DNAH11: variants seen among roughly 807,000 people sequenced by gnomAD.
DNAH11 encodes dynein axonemal heavy chain 11.
DNAH11 carries 442 observed loss-of-function variants against 526.0 expected under a neutral mutation model. The observed-to-expected ratio is 0.84, with a 90% CI of 0.78 to 0.91. The LOEUF is 0.91. DNAH11 is among the 40% of genes least tolerant of loss of function. The pLI is 0.00. For missense variants in DNAH11, 6,989 were observed against 5,448.7 expected, an observed-to-expected ratio of 1.28 and a Z score of -8.90; for synonymous variants, 2,461 against 1,935.9, an observed-to-expected ratio of 1.27 and a Z score of -7.12.
rs547016387 is a variant in DNAH11 at position 21,576,035 on chromosome 7, A to G, written c.1593+4062A>G. On this transcript the variant is annotated intron_variant, in intron 8 of 81. Coordinates refer to ENST00000409508, the MANE Select transcript of DNAH11 (RefSeq NM_001277115.2). ...AGATGTACTTTTCCCTACTGCTCCC[A>G]GTAAGTGCAACTAAAACACTGGCCG... Among the ~76,000 whole-genome samples the G allele has an allele frequency of 2.6e-5, 4 of 152,322 alleles. No individual in the cohort carries two copies. The East Asian group carries it at 5.8e-4, about 22-fold the overall frequency.
In DNAH11 at chr7:21,637,684, T is replaced by G; in HGVS notation, c.4799T>G (p.Leu1600Arg). The change falls in exon 27 of 82, where the codon CTT becomes CGT. Residue 1600 changes from leucine (L) to arginine (R), a missense_variant. Leu to Arg is a moderately radical substitution (Grantham distance 102). Transcript: ENST00000409508. Reference protein sequence around the residue: ...ATCRPNLYEKLKDLQSRLSLC... With the variant: ...ATCRPNLYEKRKDLQSRLSLC... ...TGCAGACCTAATCTCTATGAAAAAC[T>G]TAAAGATTTACAGTCCAGGTAAGAA... 1 of 1,566,136 alleles carries G rather than the reference T, an allele frequency of 6.4e-7. No homozygotes were observed. Among genetic ancestry groups the G allele is most frequent in the Non-Finnish European group, 8.7e-7 (1 of 1,155,418 alleles).
chr7:21,727,143 C>T (rs145884368), intron 45 of DNAH11, among the ~76,000 whole-genome samples: 32,670 of 151,264 alleles, frequency 0.22, 3,825 homozygotes, highest in Non-Finnish European at 0.26. Context: ...CCGTGTTAGC[C>T]AGGATGATCT....
chr7:21,636,229 C>T (rs1786857467), intron 26 of DNAH11, 134 bp downstream of exon 26: 1 of 691,954 alleles, frequency 1.4e-6, no homozygotes, highest in Non-Finnish European at 2.4e-6. Flanking sequence ...CTGCAAAGGG[C>T]CAGGTAATAA....
chr7:21,667,282 A>G (rs1189785173), intron 30 of DNAH11, among the ~76,000 whole-genome samples: 1 of 152,130 alleles, frequency 6.6e-6, no homozygotes, highest in Non-Finnish European at 1.5e-5. Flanking sequence ...CTTCTGTCAT[A>G]AATATGTCTT....
chr7:21,611,281 C>T (rs1785512890), intron 20 of DNAH11, among the ~76,000 whole-genome samples: 2 of 152,280 alleles, frequency 1.3e-5, no homozygotes, highest in South Asian at 4.1e-4. Context: ...CAGCCTCCCA[C>T]CCTCAGCATC....
chr7:21,638,558 C>T (rs771647660), intron 27 of DNAH11, among the ~76,000 whole-genome samples: 1 of 152,142 alleles, frequency 6.6e-6, no homozygotes, highest in Non-Finnish European at 1.5e-5. Context: ...CGAATTACAT[C>T]TTACCAGTGC....
chr7:21,729,202 A>T (rs921958701), intron 45 of DNAH11, among the ~76,000 whole-genome samples: 2 of 152,168 alleles, frequency 1.3e-5, no homozygotes, highest in African/African-American at 4.8e-5. Flanking sequence ...AGGTTGCTAA[A>T]TTGTCTTGTC....
chr7:21,620,837 A>G (rs1583536340), intron 25 of DNAH11, among the ~76,000 whole-genome samples: 1 of 150,672 alleles, frequency 6.6e-6, no homozygotes, highest in South Asian at 2.1e-4. Flanking sequence ...TTCTTGTGAT[A>G]GTTTACTGAG....
chr7:21,825,867 G>C (rs1261198700), intron 65 of DNAH11, among the ~76,000 whole-genome samples: 2 of 151,702 alleles, frequency 1.3e-5, no homozygotes, highest in East Asian at 3.9e-4. Context: ...GCTGAGGCAG[G>C]AGAACGGCAT....
intron 44 of DNAH11, among the ~76,000 whole-genome samples, chr7:21,721,849 T>C (rs1784888789): frequency 6.6e-6 from 1 of 152,200 alleles, no homozygotes; most frequent in African/African-American, 2.4e-5. Context: ...TCCCTCTTAC[T>C]TCTAACCAGT....
At chr7:21,791,920 G>A (rs1788495599) in intron 61 of DNAH11, among the ~76,000 whole-genome samples, 1 of 152,182 alleles carries the variant, frequency 6.6e-6, no homozygotes, top group African/African-American at 2.4e-5. Context: ...CAAAGAAAGG[G>A]GTTTAATTGG....
chr7:21,867,129 T>C lies in DNAH11; in HGVS notation c.11690+466T>C, dbSNP rs538058578. On this transcript the variant is annotated intron_variant, in intron 71 of 81. Coordinates refer to ENST00000409508, the MANE Select transcript of DNAH11 (RefSeq NM_001277115.2). The stretch of plus-strand genomic sequence containing the variant: ...AATGCAGTTTCAAAGCAGAAACCCT[T>C]GTCTACATCTTGGTTTAAGTGTCCT... 9.3e-4 allele frequency among the ~76,000 whole-genome samples: 142 copies of C among 152,338 alleles called. 1 individual carries two copies. The highest frequency in any genetic ancestry group is 5.9e-4 in the Non-Finnish European group (40 of 68,034).
chr7:21,760,567 T>A (rs1280950187), intron 54 of DNAH11, among the ~76,000 whole-genome samples: 2 of 152,210 alleles, frequency 1.3e-5, no homozygotes, highest in Non-Finnish European at 2.9e-5. Flanking sequence ...ATACTTAGAT[T>A]TTGAAATTTT....
chr7:21,816,766 A>G, intron 64 of DNAH11, 64 bp downstream of exon 64: 1 of 1,400,982 alleles, frequency 7.1e-7, no homozygotes, highest in Non-Finnish European at 1.0e-6. Context: ...TGATTTTTAT[A>G]AAGGCGTGAT....
intron 48 of DNAH11, among the ~76,000 whole-genome samples, chr7:21,740,784 T>C (rs2965359): frequency 0.16 from 24,835 of 152,168 alleles, 2,933 homozygotes; most frequent in East Asian, 0.4. Flanking sequence ...CTTTTAATTT[T>C]TTGAGGAATC....
chr7:21,798,772 T>G (rs904357908), intron 61 of DNAH11, among the ~76,000 whole-genome samples: 1 of 152,232 alleles, frequency 6.6e-6, no homozygotes, highest in Admixed American at 6.5e-5. Flanking sequence ...CAATAGCAGG[T>G]ATAAGAATCT....
intron 9 of DNAH11, among the ~76,000 whole-genome samples, chr7:21,584,661 A>G (rs1784425199): frequency 1.3e-5 from 2 of 152,300 alleles, no homozygotes; most frequent in South Asian, 4.1e-4. Context: ...GCCGAAATGT[A>G]CAGCCTGTTG....
At chr7:21,861,761 G>A (rs1783071378) in intron 68 of DNAH11, 92 bp from the exon 69 acceptor site, 1 of 1,513,416 alleles carries the variant, frequency 6.6e-7, no homozygotes. Flanking sequence ...ACTCCCTATA[G>A]ATAAACCTTA....
At chr7:21,693,027 T>C (rs1016804428) in intron 35 of DNAH11, among the ~76,000 whole-genome samples, 2 of 152,216 alleles carry the variant, frequency 1.3e-5, no homozygotes, top group African/African-American at 4.8e-5. Context: ...ACATTGCAAA[T>C]ATTTTTTCTC....
Sources: allele counts gnomAD v4.1 joint callset (sites outside exome capture counted in the v4.1 genomes callset), GRCh38; gene constraint gnomAD v4.1.1; transcripts MANE v1.5; gene names NCBI Gene and HGNC (gene_info 2026-07-23, HGNC 2026-07-21).